The following PDZD2 variants were observed in gnomAD, a reference collection of about 807,000 sequenced individuals.
PDZD2 encodes the protein PDZ domain-containing protein 2.
A neutral mutation model predicts 220.7 loss-of-function variants in PDZD2; 90 were observed. The ratio of observed to expected loss-of-function variants is 0.41; its 90% confidence interval spans 0.34 to 0.49. The LOEUF is 0.49. Among genes scored for constraint, PDZD2 ranks in the 20% least tolerant of loss-of-function variants. The probability of loss-of-function intolerance (pLI) is 0.28; values close to 1 mark genes in which losing one functional copy is unlikely to be tolerated. For synonymous variants in PDZD2, 1,375 were observed against 1,450.5 expected (o/e 0.95, Z 1.18); for missense variants, 3,174 against 3,608.5 (o/e 0.88, Z 3.08).
intron 2 of PDZD2, among the ~76,000 whole-genome samples, chr5:31,965,669 T>C (rs1748675040): frequency 6.6e-6 from 1 of 152,114 alleles, no homozygotes. Flanking sequence ...CCAGGGCACG[T>C]GGATCACCTG....
At chr5:31,691,863 G>A (rs1580572461) in intron 1 of PDZD2, among the ~76,000 whole-genome samples, 1 of 152,342 alleles carries the variant, frequency 6.6e-6, no homozygotes, top group East Asian at 1.9e-4. Context: ...GCTAGATACA[G>A]AGTGCTGATT....
intron 2 of PDZD2, among the ~76,000 whole-genome samples, chr5:31,875,177 C>T (rs1230082271): frequency 1.3e-5 from 2 of 152,252 alleles, no homozygotes; most frequent in South Asian, 2.1e-4. Flanking sequence ...TCTACATCCT[C>T]TATATCTTTC....
chr5:31,759,734 C>T (rs183370230), intron 1 of PDZD2, among the ~76,000 whole-genome samples: 29 of 151,898 alleles, frequency 1.9e-4, no homozygotes, highest in Non-Finnish European at 2.8e-4. Flanking sequence ...TTAGTAGAGA[C>T]GGGTTTCACC....
chr5:31,886,384 C>A (rs548530865), intron 2 of PDZD2, among the ~76,000 whole-genome samples: 2 of 152,138 alleles, frequency 1.3e-5, no homozygotes, highest in Admixed American at 1.3e-4. Context: ...CCCCTTCCTT[C>A]CCTGCCACTC....
chr5:32,088,746 G>A lies in PDZD2; in HGVS notation c.5298G>A (p.Lys1766=). The A allele has an allele frequency of 6.2e-7, 1 of 1,614,098 alleles. No homozygotes were observed. The highest frequency in any genetic ancestry group is 1.1e-5 in the South Asian group (1 of 91,078). Residue 1766 remains lysine (K), a synonymous_variant, in exon 20 of 25, where the codon AAG becomes AAA. Transcript: ENST00000438447. This position sits in a 1 kb window ranked among gnomAD's most constrained non-coding sequence, Gnocchi z 4.6. ...CCTCCTTCAGTGTGGATGTCCCTAA[G>A]AATGGAGAATCTGTTTTGGAAAACC... The part of the protein sequence containing the change: ...SLSSFSVDVP[K]NGESVLENLH...
In PDZD2 at chr5:31,983,164, T is replaced by A; in HGVS notation, c.486T>A (p.Ala162=). The stretch of plus-strand genomic sequence containing the variant: ...TCTCTGTCTGTTGCAGTTACCTGGC[T>A]GAGCAGTGCTGGAATGGCGGCTTTA... ...GVDVSGASYL[A]EQCWNGGFIY... is the part of the protein sequence containing the mutation. The change falls in exon 3 of 25, where the codon GCT becomes GCA. Residue 162 remains alanine (A), a synonymous_variant. Coordinates refer to ENST00000438447, the MANE Select transcript of PDZD2 (RefSeq NM_178140.4). 6.2e-7 allele frequency: 1 copy of A among 1,612,634 alleles called. No individual in the cohort carries two copies. Among genetic ancestry groups the A allele is most frequent in the South Asian group, 1.1e-5 (1 of 90,914 alleles).
intron 1 of PDZD2, among the ~76,000 whole-genome samples, chr5:31,736,910 C>T (rs535652823): frequency 6.6e-6 from 1 of 152,222 alleles, no homozygotes; most frequent in Non-Finnish European, 1.5e-5. Context: ...ATTCTCTTTC[C>T]CTTACTCCCA....
chr5:31,838,714 T>C (rs1432717260), intron 2 of PDZD2, among the ~76,000 whole-genome samples: 3 of 152,194 alleles, frequency 2.0e-5, no homozygotes, highest in Admixed American at 2.0e-4. Flanking sequence ...CTGATATCCA[T>C]ATAAATGTAA....
At chr5:32,101,009 T>C (rs1258844693) in intron 23 of PDZD2, 96 bp from the exon 24 acceptor site, 3 of 1,589,694 alleles carry the variant, frequency 1.9e-6, no homozygotes, top group South Asian at 1.1e-5. Flanking sequence ...GTGCCAGAAG[T>C]ACATGGGGCT....
chr5:31,850,534 G>C (rs1407566083), intron 2 of PDZD2, among the ~76,000 whole-genome samples: 1 of 151,546 alleles, frequency 6.6e-6, no homozygotes, highest in Non-Finnish European at 1.5e-5. Context: ...GATGGAGTCT[G>C]ATAGATGGAG....
At chr5:32,057,590 C>G in intron 10 of PDZD2, 65 bp from the exon 11 acceptor site, 1 of 917,862 alleles carries the variant, frequency 1.1e-6, no homozygotes, top group Non-Finnish European at 1.8e-6. Flanking sequence ...ATAAGTCTGA[C>G]TGAGCAGTTA....
chr5:32,011,969 T>C (rs1346600004), intron 6 of PDZD2, among the ~76,000 whole-genome samples: 1 of 152,228 alleles, frequency 6.6e-6, no homozygotes, highest in Non-Finnish European at 1.5e-5. Context: ...CCCTGTGCTC[T>C]GTGCTGGCAC....
intron 2 of PDZD2, among the ~76,000 whole-genome samples, chr5:31,945,684 G>T (rs1254095456): frequency 6.6e-6 from 1 of 151,694 alleles, no homozygotes; most frequent in African/African-American, 2.4e-5. Context: ...TTCTGCCGCA[G>T]CTTTCATAGT....
intron 2 of PDZD2, among the ~76,000 whole-genome samples, chr5:31,889,864 T>G (rs1313380382): frequency 2.0e-5 from 3 of 152,012 alleles, no homozygotes; most frequent in Non-Finnish European, 4.4e-5. Flanking sequence ...CTACTAAATG[T>G]ACAAAAATTA....
intron 1 of PDZD2, among the ~76,000 whole-genome samples, chr5:31,726,931 A>G (rs776062301): frequency 8.5e-5 from 13 of 152,320 alleles, no homozygotes; most frequent in Non-Finnish European, 1.5e-4. Context: ...ACATCTGCTC[A>G]GCTTCTGGGG....
chr5:32,025,789 C>T (rs1397255801), intron 6 of PDZD2, among the ~76,000 whole-genome samples: 1 of 151,432 alleles, frequency 6.6e-6, no homozygotes, highest in South Asian at 2.1e-4. Flanking sequence ...TTAGTAGACA[C>T]AAGATTTCAC....
chr5:31,882,568 C>T (rs144866852), intron 2 of PDZD2, among the ~76,000 whole-genome samples: 4 of 152,242 alleles, frequency 2.6e-5, no homozygotes, highest in South Asian at 2.1e-4. Flanking sequence ...AGACCATTCA[C>T]GAATGGACCA....
chr5:31,877,273 C>G (rs1054309109), intron 2 of PDZD2, among the ~76,000 whole-genome samples: 1 of 151,882 alleles, frequency 6.6e-6, no homozygotes, highest in Non-Finnish European at 1.5e-5. Context: ...TGGAGTGCAG[C>G]GGTGCAATCT....
intron 2 of PDZD2, among the ~76,000 whole-genome samples, chr5:31,946,525 T>C (rs1054337501): frequency 1.9e-4 from 29 of 152,208 alleles, no homozygotes; most frequent in African/African-American, 5.5e-4. Flanking sequence ...CCCGCCGCCA[T>C]GTCAGAATGT....
Sources: allele counts gnomAD v4.1 joint callset (sites outside exome capture counted in the v4.1 genomes callset), GRCh38; gene constraint gnomAD v4.1.1; non-coding constraint Gnocchi (gnomAD v3.1); transcripts MANE v1.5; gene names NCBI Gene and HGNC (gene_info 2026-07-23, HGNC 2026-07-21).